Variants in BMP7 observed in about 807,000 individuals in gnomAD.
BMP7 encodes bone morphogenetic protein 7, also known as osteogenic protein 1.
In BMP7, 12 loss-of-function variants were observed where a neutral mutation model predicts 41.2. The observed-to-expected ratio is 0.29, with a 90% CI of 0.19 to 0.47. The LOEUF is 0.47. BMP7 is among the 20% of genes least tolerant of loss of function. The pLI is 0.99. For missense variants in BMP7, 467 were observed against 606.0 expected, an observed-to-expected ratio of 0.77 and a Z score of 2.41; for synonymous variants, 248 against 250.0, an observed-to-expected ratio of 0.99 and a Z score of 0.07.
In BMP7 at chr20:57,184,881, G is replaced by A. The variant is rs140374756; in HGVS notation, c.761-962C>T. Among the ~76,000 whole-genome samples, 612 of 152,296 alleles carry A rather than the reference G, an allele frequency of 4.0e-3. 2 individuals carry two copies. The highest frequency in any genetic ancestry group is 0.014 in the African/African-American group (573 of 41,564). ...GCCTTTGTAAGAGGACAACCCTGTG[G>A]CACCTTGACTTTAGACTTCTCGCCT... On this transcript the variant is annotated intron_variant, in intron 3 of 6. Coordinates refer to ENST00000395863, the MANE Select transcript of BMP7 (RefSeq NM_001719.3).
At chr20:57,217,533 C>A (rs1262506158) in intron 2 of BMP7, among the ~76,000 whole-genome samples, 1 of 152,206 alleles carries the variant, frequency 6.6e-6, no homozygotes, top group Non-Finnish European at 1.5e-5. Context: ...AGACATCGAG[C>A]CACAGCCAGA....
intron 4 of BMP7, among the ~76,000 whole-genome samples, chr20:57,179,558 A>G (rs1362511525): frequency 1.3e-5 from 2 of 152,176 alleles, no homozygotes; most frequent in Non-Finnish European, 2.9e-5. Context: ...CAGGAAAGCG[A>G]GCTCCGCGTG....
At chr20:57,244,277 G>C (rs2066081039) in intron 1 of BMP7, among the ~76,000 whole-genome samples, 1 of 152,218 alleles carries the variant, frequency 6.6e-6, no homozygotes. Flanking sequence ...GAGGAAAGGA[G>C]AGTGTCCATG....
intron 1 of BMP7, among the ~76,000 whole-genome samples, chr20:57,240,960 G>A (rs533894962): frequency 6.6e-6 from 1 of 152,204 alleles, no homozygotes; most frequent in Non-Finnish European, 1.5e-5. Context: ...GAGGTGGGCA[G>A]CCAGCATTTT....
chr20:57,245,248 C>T (rs985576457), intron 1 of BMP7, among the ~76,000 whole-genome samples: 7 of 152,140 alleles, frequency 4.6e-5, no homozygotes, highest in African/African-American at 1.7e-4. Context: ...GCTAAACGAT[C>T]AAAACACCCT....
chr20:57,211,070 G>A (rs977101167), intron 2 of BMP7, among the ~76,000 whole-genome samples: 12 of 152,194 alleles, frequency 7.9e-5, no homozygotes, highest in African/African-American at 1.7e-4. Context: ...GGTTGGAAGG[G>A]CCGCATGTGG....
chr20:57,209,249 T>TATATATATATA (rs1555814048), intron 2 of BMP7, among the ~76,000 whole-genome samples: 57 of 94,844 alleles, frequency 6.0e-4, no homozygotes, highest in Non-Finnish European at 7.5e-4. Flanking sequence ...TTATATATTT[T>TATATATATATA]TATATATATA....
chr20:57,256,469 C>A (rs1326321568), intron 1 of BMP7, among the ~76,000 whole-genome samples: 1 of 152,226 alleles, frequency 6.6e-6, no homozygotes, highest in East Asian at 1.9e-4. Context: ...CATCTCCTTG[C>A]CAACCTTGGG....
At chr20:57,241,556 G>T (rs2066069775) in intron 1 of BMP7, among the ~76,000 whole-genome samples, 1 of 152,174 alleles carries the variant, frequency 6.6e-6, no homozygotes, top group Non-Finnish European at 1.5e-5. Flanking sequence ...TCCACCAAAT[G>T]CTTCAGCTGC....
At chr20:57,263,135 G>A (rs1204912439) in intron 1 of BMP7, among the ~76,000 whole-genome samples, 4 of 152,164 alleles carry the variant, frequency 2.6e-5, no homozygotes, top group African/African-American at 9.7e-5. Context: ...TCGAGTTTAG[G>A]GACAGAGAGA....
chr20:57,200,216 G>A (rs558785272), intron 3 of BMP7, among the ~76,000 whole-genome samples: 159 of 152,308 alleles, frequency 1.0e-3, no homozygotes, highest in Non-Finnish European at 2.0e-3. Flanking sequence ...CCTCACAACC[G>A]CCCTTGGAGA....
At chr20:57,235,910 T>TAGGGAGTGAGGACAGAGGC (rs55692621) in intron 1 of BMP7, among the ~76,000 whole-genome samples, 22 of 150,424 alleles carry the variant, frequency 1.5e-4, no homozygotes, top group East Asian at 1.2e-3. Flanking sequence ...AAGTGGATTA[T>TAGGGAGTGAGGACAGAGGC]AGGGAGTGAG....
chr20:57,180,015 C>T (rs917458425), intron 4 of BMP7, among the ~76,000 whole-genome samples: 10 of 152,060 alleles, frequency 6.6e-5, no homozygotes, highest in Admixed American at 5.2e-4. Flanking sequence ...CAGGTGCACC[C>T]GATGGAGCTC....
intron 3 of BMP7, among the ~76,000 whole-genome samples, chr20:57,190,486 G>A (rs1209860315): frequency 6.8e-6 from 1 of 147,536 alleles, no homozygotes; most frequent in African/African-American, 2.6e-5. Flanking sequence ...GCTGGAGAGA[G>A]TGAGTGAGGA....
At chr20:57,231,059 C>T (rs113701859) in intron 1 of BMP7, among the ~76,000 whole-genome samples, 31 of 152,316 alleles carry the variant, frequency 2.0e-4, no homozygotes, top group African/African-American at 7.2e-4. Flanking sequence ...GGAGATTCCT[C>T]CAGGTCAAGA....
rs1295414010 is a variant in BMP7, at chr20:57,266,036, G to A, written c.87C>T (p.Ala29=). 4 of 1,545,764 alleles carry A rather than the reference G, an allele frequency of 2.6e-6. No individual in the cohort carries two copies. Among genetic ancestry groups the A allele is most frequent in the Non-Finnish European group, 3.5e-6 (4 of 1,146,894 alleles). The change falls in exon 1 of 7, where the codon GCC becomes GCT. Residue 29 remains alanine (A), a synonymous_variant. Transcript: ENST00000395863. The part of the protein sequence containing the change: ...APLFLLRSAL[A]DFSLDNEVHS... ...GCACCTCGTTGTCCAGGCTGAAGTC[G>A]GCCAGGGCGGAGCGCAGCAGGAACA...
intron 4 of BMP7, among the ~76,000 whole-genome samples, chr20:57,182,857 T>C (rs893847315): frequency 1.1e-4 from 16 of 152,262 alleles, no homozygotes; most frequent in Non-Finnish European, 2.1e-4. Context: ...GCAATAAAAA[T>C]ATTATCTTTA....
rs1983800280 is a variant in BMP7, at chr20:57,170,861, G to A, written c.*98C>T. ...TAAAGTTGGGGATAGGGAGGGGAAG[G>A]TCTCACAAAAGGCAGTTGGTCTGCT... is the stretch of plus-strand genomic sequence containing the variant. On this transcript the variant is annotated 3_prime_UTR_variant, in exon 7 of 7. Transcript: ENST00000395863. 2 of 1,469,540 alleles carry A rather than the reference G, an allele frequency of 1.4e-6. No homozygotes were observed. Among genetic ancestry groups the A allele is most frequent in the Non-Finnish European group, 1.9e-6 (2 of 1,071,528 alleles). 91.0% of individuals were successfully genotyped at this position (1,469,540 alleles called of 1,614,324 possible). A position where few individuals can be genotyped will look rare whatever the true frequency, so the allele number is the denominator to read the frequency against.
intron 1 of BMP7, among the ~76,000 whole-genome samples, chr20:57,239,460 C>A (rs200269368): frequency 1.3e-5 from 2 of 152,146 alleles, no homozygotes; most frequent in African/African-American, 2.4e-5. Context: ...TGGCATTGAA[C>A]GTTGAGTGAC....
Sources: allele counts gnomAD v4.1 joint callset (sites outside exome capture counted in the v4.1 genomes callset), GRCh38; gene constraint gnomAD v4.1.1; transcripts MANE v1.5; gene names NCBI Gene and HGNC (gene_info 2026-07-23, HGNC 2026-07-21).